Variants in FSTL4 observed in about 807,000 individuals in gnomAD.
The protein encoded by FSTL4 is follistatin like 4, also known as follistatin-related protein 4.
In FSTL4, 28 loss-of-function variants were observed where a neutral mutation model predicts 78.2. The observed-to-expected ratio is 0.36, with a 90% CI of 0.27 to 0.49. The LOEUF is 0.49. Among genes scored for constraint, FSTL4 ranks in the 20% least tolerant of loss-of-function variants. FSTL4 has a pLI of 0.98. For missense variants in FSTL4, 922 were observed against 1,084.9 expected (o/e 0.85, Z 2.11); for synonymous variants, 422 against 440.5 (o/e 0.96, Z 0.53).
chr5:133,393,603 G>C (rs1007244160), intron 4 of FSTL4, among the ~76,000 whole-genome samples: 3 of 152,242 alleles, frequency 2.0e-5, no homozygotes, highest in African/African-American at 7.2e-5. Context: ...AGGGCAACTG[G>C]AGGGACAGGA....
chr5:133,798,784 A>C, the FSTL4 span, among the ~76,000 whole-genome samples: 2 of 150,728 alleles, frequency 1.3e-5, no homozygotes, highest in South Asian at 4.2e-4. Context: ...CAAACCCATC[A>C]CCCCCATGCC....
the FSTL4 span, among the ~76,000 whole-genome samples, chr5:133,695,089 A>C: frequency 1.3e-5 from 2 of 152,146 alleles, no homozygotes; most frequent in African/African-American, 4.8e-5. Flanking sequence ...GCTTTCCAGC[A>C]GATATAGGGA....
At chr5:133,795,036 T>C in the FSTL4 span, among the ~76,000 whole-genome samples, 1 of 152,224 alleles carries the variant, frequency 6.6e-6, no homozygotes, top group Non-Finnish European at 1.5e-5. Context: ...TTTCTTTCAA[T>C]ATTTCATCAT....
chr5:133,805,703 T>A, the FSTL4 span, among the ~76,000 whole-genome samples: 1 of 152,214 alleles, frequency 6.6e-6, no homozygotes, highest in African/African-American at 2.4e-5. Flanking sequence ...ACCTCCAGGA[T>A]GTCCTGTGCC....
intron 4 of FSTL4, among the ~76,000 whole-genome samples, chr5:133,321,585 C>G (rs1401341019): frequency 6.6e-6 from 1 of 152,210 alleles, no homozygotes; most frequent in Non-Finnish European, 1.5e-5. Flanking sequence ...GTGGCTCACG[C>G]CTATAATCCT....
At chr5:133,669,761 CA>C in the FSTL4 span, among the ~76,000 whole-genome samples, 2 of 152,234 alleles carry the variant, frequency 1.3e-5, no homozygotes, top group Non-Finnish European at 2.9e-5. Flanking sequence ...CTGCCTTCTA[CA>C]GCCCAGCTCA....
At chr5:133,457,423 T>C (rs111228800) in intron 3 of FSTL4, among the ~76,000 whole-genome samples, 12 of 152,242 alleles carry the variant, frequency 7.9e-5, no homozygotes, top group Middle Eastern at 6.3e-3. Flanking sequence ...CTGGTATGCA[T>C]AGACTCACCC....
At chr5:133,503,030 A>G (rs1320143106) in intron 3 of FSTL4, among the ~76,000 whole-genome samples, 1 of 152,252 alleles carries the variant, frequency 6.6e-6, no homozygotes, top group Non-Finnish European at 1.5e-5. Context: ...GTAATTTGTT[A>G]CAGCAGCAAT....
Position 133,221,499 on chromosome 5 carries a change from G to A in FSTL4, c.1340-633C>T, listed in dbSNP as rs1252565149. The stretch of plus-strand genomic sequence containing the variant: ...GCCCCCCTGACCCCGGCCCAGGGCT[G>A]TAGCTGTCTGGGGAGAAGGTCTAAG... On this transcript the variant is annotated intron_variant, in intron 11 of 15. Coordinates refer to ENST00000265342, the MANE Select transcript of FSTL4 (RefSeq NM_015082.2). Among the ~76,000 whole-genome samples the A allele has an allele frequency of 2.6e-5, 4 of 151,432 alleles. No homozygotes were observed. In the East Asian group the frequency reaches 7.8e-4, roughly 30 times the overall value.
chr5:133,602,958 T>C (rs1296527591), intron 2 of FSTL4, among the ~76,000 whole-genome samples: 2 of 152,194 alleles, frequency 1.3e-5, no homozygotes, highest in Non-Finnish European at 2.9e-5. Context: ...GTAATTTTTA[T>C]TTCTCATTCC....
At chr5:133,497,796 C>T (rs2112874332) in intron 3 of FSTL4, among the ~76,000 whole-genome samples, 1 of 152,288 alleles carries the variant, frequency 6.6e-6, no homozygotes, top group South Asian at 2.1e-4. Context: ...CACGGTTATA[C>T]AACTAAAAAG....
chr5:133,209,866 C>T (rs1750646414), intron 14 of FSTL4: 1 of 235,354 alleles, frequency 4.2e-6, no homozygotes, highest in Non-Finnish European at 8.3e-6. Context: ...TCTTCAGCCT[C>T]CCTTCTGGAC....
chr5:133,635,147 GC>G, the FSTL4 span, among the ~76,000 whole-genome samples: 11 of 152,132 alleles, frequency 7.2e-5, no homozygotes, highest in Admixed American at 5.9e-4. Context: ...TGGAAAGCAG[GC>G]CCCTGCTAGT....
chr5:133,703,191 A>G, the FSTL4 span, among the ~76,000 whole-genome samples: 2 of 152,250 alleles, frequency 1.3e-5, no homozygotes. Flanking sequence ...ATTACTATAC[A>G]GTAAAAACCT....
At chr5:133,527,631 C>G (rs1006454931) in intron 3 of FSTL4, among the ~76,000 whole-genome samples, 1 of 152,222 alleles carries the variant, frequency 6.6e-6, no homozygotes, top group African/African-American at 2.4e-5. Flanking sequence ...ATAAACTGAA[C>G]AGCTGAGGGA....
the FSTL4 span, among the ~76,000 whole-genome samples, chr5:133,743,298 C>A: frequency 1.3e-5 from 2 of 152,202 alleles, no homozygotes; most frequent in Non-Finnish European, 2.9e-5. Flanking sequence ...GGAATTTGGA[C>A]AGCATTTCTT....
the FSTL4 span, among the ~76,000 whole-genome samples, chr5:133,762,762 G>A: frequency 6.6e-6 from 1 of 152,010 alleles, no homozygotes; most frequent in South Asian, 2.1e-4. Context: ...TGTCATTTCC[G>A]AGACCACTGA....
intron 4 of FSTL4, among the ~76,000 whole-genome samples, chr5:133,327,972 A>G (rs2864246): frequency 0.76 from 115,317 of 152,176 alleles, 45,100 homozygotes; most frequent in African/African-American, 0.94. Context: ...AACTATTCTC[A>G]GTCAGTTTCC....
chr5:133,583,025 T>C (rs1179499430), intron 2 of FSTL4, among the ~76,000 whole-genome samples: 2 of 152,142 alleles, frequency 1.3e-5, no homozygotes, highest in African/African-American at 2.4e-5. Context: ...TGGGGGTGCC[T>C]GACACTTCCA....
Sources: gnomAD v4.1 joint callset for allele counts (sites outside exome capture counted in the v4.1 genomes callset) on GRCh38, gnomAD v4.1.1 for gene constraint, MANE v1.5 for transcripts, NCBI Gene and HGNC (gene_info 2026-07-23, HGNC 2026-07-21) for gene names.